Variants in ZNF280C observed in about 807,000 individuals in gnomAD.
ZNF280C encodes suppressor of hairy wing homolog 3.
Under a neutral mutation model 53.6 loss-of-function variants are expected in ZNF280C, and 14 were observed. That is an observed-to-expected ratio of 0.26 (90% CI 0.17 to 0.41). The LOEUF (loss-of-function observed/expected upper bound fraction) is 0.41, where lower values mean the gene tolerates loss of function less well. ZNF280C is among the 10% of genes least tolerant of loss of function. ZNF280C has a pLI of 1.00. For missense variants in ZNF280C, 416 were observed against 547.1 expected, an observed-to-expected ratio of 0.76 and a Z score of 2.39; for synonymous variants, 203 against 181.1, an observed-to-expected ratio of 1.12 and a Z score of -0.97.
chrX:130,264,461 TTC>T (rs1382707168), intron 1 of ZNF280C, among the ~76,000 whole-genome samples: 2 of 111,224 alleles, frequency 1.8e-5, no homozygotes, highest in Non-Finnish European at 3.8e-5. Context: ...AACAATATAA[TTC>T]TCTTTTTGTT....
At chrX:130,216,423 C>T (rs952357737) in intron 13 of ZNF280C, among the ~76,000 whole-genome samples, 8 of 111,878 alleles carry the variant, frequency 7.2e-5, no homozygotes, top group Non-Finnish European at 9.4e-5. Context: ...AGTTAGGCAA[C>T]GGTTTCTTAT....
chrX:130,250,179 A>G (rs2032492487), intron 2 of ZNF280C, among the ~76,000 whole-genome samples: 1 of 111,832 alleles, frequency 8.9e-6, no homozygotes, highest in Non-Finnish European at 1.9e-5. Context: ...AAACACCCAC[A>G]TCAAAAAGAC....
At chrX:130,212,799 T>A (rs1039833776) in intron 15 of ZNF280C, among the ~76,000 whole-genome samples, 12 of 110,272 alleles carry the variant, frequency 1.1e-4, no homozygotes, top group African/African-American at 4.0e-4. Context: ...ATGAATGTGG[T>A]AGAGAGAAAG....
intron 2 of ZNF280C, among the ~76,000 whole-genome samples, chrX:130,249,313 G>A (rs1388783878): frequency 8.9e-6 from 1 of 112,010 alleles, no homozygotes; most frequent in Non-Finnish European, 1.9e-5. Flanking sequence ...AGCAGCTGAT[G>A]AGTGTGCACT....
chrX:130,245,429 T>C (rs1402534042), intron 3 of ZNF280C, among the ~76,000 whole-genome samples: 2 of 112,016 alleles, frequency 1.8e-5, no homozygotes, highest in Admixed American at 9.5e-5. Context: ...CAAATATATC[T>C]AGCTCATTTA....
At chrX:130,242,113 C>T (rs1489015366) in intron 5 of ZNF280C, among the ~76,000 whole-genome samples, 4 of 108,844 alleles carry the variant, frequency 3.7e-5, no homozygotes, top group South Asian at 4.1e-4. Flanking sequence ...TGTGGTGGTG[C>T]GTGCCTGTAA....
At chrX:130,227,080 A>G (rs770421040) in intron 11 of ZNF280C, among the ~76,000 whole-genome samples, 175 bp from the exon 12 acceptor site, 2 of 111,735 alleles carry the variant, frequency 1.8e-5, no homozygotes, top group Middle Eastern at 4.6e-3. Context: ...CCTTTGAAAG[A>G]TATCTTTCAA....
At chrX:130,226,156 T>C (rs949714839) in intron 12 of ZNF280C, among the ~76,000 whole-genome samples, 4 of 112,434 alleles carry the variant, frequency 3.6e-5, no homozygotes, top group Non-Finnish European at 7.5e-5. Flanking sequence ...AACCTAAATA[T>C]AGTTCTCTAG....
Position 130,215,140 on chromosome X carries a change from A to T in ZNF280C, c.1979+53T>A, listed in dbSNP as rs891051958. On this transcript the variant is annotated intron_variant, in intron 15 of 18. Transcript: ENST00000370978. ...TCAATAGGATAACTCTGTTTTCAAA[A>T]AACAAATGACCCAAATGGAAATTCT... 9 of 1,184,842 alleles carry T rather than the reference A, an allele frequency of 7.6e-6. No individual in the cohort carries two copies. In the African/African-American group the frequency reaches 1.6e-4, roughly 21 times the overall value.
intron 1 of ZNF280C, among the ~76,000 whole-genome samples, chrX:130,263,397 C>A (rs1433198150): frequency 8.9e-6 from 1 of 112,349 alleles, no homozygotes; most frequent in Non-Finnish European, 1.9e-5. Context: ...AGCACTGATA[C>A]ATGTTACAAT....
chrX:130,250,360 T>C (rs1273949809), intron 2 of ZNF280C, among the ~76,000 whole-genome samples: 1 of 111,422 alleles, frequency 9.0e-6, no homozygotes, highest in Non-Finnish European at 1.9e-5. Context: ...GAGTTGTTTT[T>C]TGAAAAAATT....
intron 8 of ZNF280C, among the ~76,000 whole-genome samples, chrX:130,235,705 G>A (rs1361412296): frequency 8.9e-6 from 1 of 112,039 alleles, no homozygotes; most frequent in Admixed American, 9.5e-5. Flanking sequence ...TATTTACCAT[G>A]TCTCTGCGTT....
At chrX:130,246,319 A>G (rs2032450300) in intron 3 of ZNF280C, among the ~76,000 whole-genome samples, 1 of 112,287 alleles carries the variant, frequency 8.9e-6, no homozygotes, top group African/African-American at 3.2e-5. Context: ...GCTATAGCAC[A>G]TGCTGGTAGA....
At chrX:130,218,181 A>C (rs1335338767) in intron 13 of ZNF280C, among the ~76,000 whole-genome samples, 2 of 111,737 alleles carry the variant, frequency 1.8e-5, no homozygotes, top group Non-Finnish European at 3.8e-5. Context: ...ACAAACAAAA[A>C]AACCCAACTA....
Position 130,220,409 on chromosome X carries a change from C to T in ZNF280C, c.1467G>A (p.Lys489=). The change falls in exon 13 of 19, where the codon AAG becomes AAA. Residue 489 remains lysine (K), a synonymous_variant. Coordinates refer to ENST00000370978, the MANE Select transcript of ZNF280C (RefSeq NM_017666.5). The stretch of plus-strand genomic sequence containing the variant: ...GCTTTATAAATGTACGATGCTGCGC[C>T]TTATGTTCAGCTTTCTCCTTGCTGG... The part of the protein sequence containing the change: ...FLTSKEKAEH[K]AQHRTFIKPK... The T allele has an allele frequency of 8.3e-7, 1 of 1,203,566 alleles. No individual in the cohort carries two copies. Among genetic ancestry groups the T allele is most frequent in the Non-Finnish European group, 1.1e-6 (1 of 891,690 alleles).
intron 12 of ZNF280C, among the ~76,000 whole-genome samples, chrX:130,222,731 C>T (rs2032181536): frequency 8.9e-6 from 1 of 112,066 alleles, no homozygotes; most frequent in African/African-American, 3.2e-5. Context: ...ATGGCACAAC[C>T]TCGGCTCACT....
At chrX:130,211,962 A>C (rs2032045691) in intron 15 of ZNF280C, among the ~76,000 whole-genome samples, 1 of 112,045 alleles carries the variant, frequency 8.9e-6, no homozygotes. Flanking sequence ...TAAGAGAACA[A>C]TATTAATCAC....
chrX:130,258,129 A>T (rs979841992), intron 2 of ZNF280C, among the ~76,000 whole-genome samples: 9 of 111,659 alleles, frequency 8.1e-5, no homozygotes, highest in African/African-American at 1.3e-4. Context: ...AAAAAATAAA[A>T]AATAAATAAT....
In ZNF280C at chrX:130,256,767, C is replaced by T. The variant is rs138170365; in HGVS notation, c.31+3652G>A. On this transcript the variant is annotated intron_variant, in intron 2 of 18. Coordinates refer to ENST00000370978, the MANE Select transcript of ZNF280C (RefSeq NM_017666.5). ...TACAAAAATTTGCAGTGCATGGTGGCGCACACCTTTAATCCCAGCTAGGCG... is the reference window on the plus strand; with the variant it reads ...TACAAAAATTTGCAGTGCATGGTGGTGCACACCTTTAATCCCAGCTAGGCG... Among the ~76,000 whole-genome samples, 379 of 109,418 alleles carry T rather than the reference C, an allele frequency of 3.5e-3. 3 individuals carry two copies. Among genetic ancestry groups the T allele is most frequent in the African/African-American group, 0.012 (362 of 29,976 alleles).
Sources: gnomAD v4.1 joint callset for allele counts (sites outside exome capture counted in the v4.1 genomes callset) on GRCh38, gnomAD v4.1.1 for gene constraint, MANE v1.5 for transcripts, NCBI Gene and HGNC (gene_info 2026-07-23, HGNC 2026-07-21) for gene names.